ATP2B2: variants seen among roughly 807,000 people sequenced by gnomAD.
ATP2B2 encodes ATPase plasma membrane Ca2+ transporting 2.
A neutral mutation model predicts 120.0 loss-of-function variants in ATP2B2; 15 were observed. That is an observed-to-expected ratio of 0.12 (90% CI 0.08 to 0.19). The LOEUF is 0.19. Ranked by LOEUF, ATP2B2 falls within the 10% of genes least tolerant of loss-of-function variation. The pLI is 1.00. For synonymous variants in ATP2B2, 694 were observed against 700.3 expected (o/e 0.99, Z 0.14); for missense variants, 1,045 against 1,719.8 (o/e 0.61, Z 6.94).
chr3:10,501,029 C>A (rs987014817), intron 1 of ATP2B2, among the ~76,000 whole-genome samples: 1 of 152,198 alleles, frequency 6.6e-6, no homozygotes, highest in Non-Finnish European at 1.5e-5. Context: ...ATGAGCCGGC[C>A]TGGGACCCAG....
chr3:10,385,295 C>T lies in ATP2B2; in HGVS notation c.973G>A (p.Asp325Asn). 6.2e-7 allele frequency: 1 copy of T among 1,613,970 alleles called. No individual in the cohort carries two copies. The highest frequency in any genetic ancestry group is 8.5e-7 in the Non-Finnish European group (1 of 1,180,014). ...TTGACTAGGCTGGCATTCGCACTATCTGCAGCATTTGAAGCTGCCGCACCG... is the reference window on the plus strand; with the variant it reads ...TTGACTAGGCTGGCATTCGCACTATTTGCAGCATTTGAAGCTGCCGCACCG... Reference protein sequence around the residue: ...ADGAAASNAADSANASLVNGK... With the variant: ...ADGAAASNAANSANASLVNGK... Residue 325 changes from aspartate (D) to asparagine (N), a missense_variant, in exon 8 of 23, where the codon GAT (aspartate) becomes AAT (asparagine). This residue lies in a region of ATP2B2 where 145 missense variants were observed against 202.0 expected (regional missense o/e 0.72). Coordinates refer to ENST00000360273, the MANE Select transcript of ATP2B2 (RefSeq NM_001001331.4).
intron 5 of ATP2B2, among the ~76,000 whole-genome samples, chr3:10,394,298 ATTAATGCAG>A (rs1240243216): frequency 3.3e-5 from 5 of 152,066 alleles, no homozygotes; most frequent in African/African-American, 1.2e-4. Flanking sequence ...TATTATTGTT[ATTAATGCAG>A]TTAATAACAC....
chr3:10,518,313 C>T (rs965921630), intron 3 of ATP2B2, among the ~76,000 whole-genome samples: 1 of 152,202 alleles, frequency 6.6e-6, no homozygotes, highest in African/African-American at 2.4e-5. Context: ...AGGTATTAAA[C>T]TAGAGAGGAT....
chr3:10,384,259 AATGAT>A (rs2061609682), intron 8 of ATP2B2, among the ~76,000 whole-genome samples: 1 of 152,266 alleles, frequency 6.6e-6, no homozygotes, highest in Non-Finnish European at 1.5e-5. Context: ...GTGAGAAGTG[AATGAT>A]ATGATATAAT....
chr3:10,358,949 G>C, intron 13 of ATP2B2, 24 bp from the exon 14 acceptor site: 1 of 1,608,854 alleles, frequency 6.2e-7, no homozygotes, highest in Non-Finnish European at 8.5e-7. Context: ...GAAGGGAGAT[G>C]GGGAGCCCAG....
intron 2 of ATP2B2, among the ~76,000 whole-genome samples, chr3:10,552,579 C>T (rs1282012751): frequency 6.6e-6 from 1 of 152,254 alleles, no homozygotes; most frequent in Non-Finnish European, 1.5e-5. Flanking sequence ...TGGGTTGGCT[C>T]CCCTCAGCAC....
chr3:10,514,528 G>A (rs933319446), intron 3 of ATP2B2, among the ~76,000 whole-genome samples: 11 of 152,130 alleles, frequency 7.2e-5, no homozygotes, highest in Non-Finnish European at 2.9e-5. Flanking sequence ...TGGAGGTGCC[G>A]CTGCATTCCT....
intron 2 of ATP2B2, among the ~76,000 whole-genome samples, chr3:10,553,162 A>G (rs1458039519): frequency 6.6e-6 from 1 of 152,246 alleles, no homozygotes; most frequent in Non-Finnish European, 1.5e-5. Context: ...GAGTATTATT[A>G]TTTACTAAAA....
intron 2 of ATP2B2, among the ~76,000 whole-genome samples, chr3:10,603,570 T>C (rs1051642455): frequency 3.9e-5 from 6 of 152,198 alleles, no homozygotes; most frequent in Non-Finnish European, 7.4e-5. Flanking sequence ...AAGAGCCCTC[T>C]TGCAAGCGTT....
At chr3:10,530,123 T>C (rs934781830) in intron 3 of ATP2B2, among the ~76,000 whole-genome samples, 2 of 152,194 alleles carry the variant, frequency 1.3e-5, no homozygotes, top group Admixed American at 1.3e-4. Context: ...CTTTTCGCAG[T>C]GCTCAGGTGG....
intron 7 of ATP2B2, 84 bp downstream of exon 7, chr3:10,386,396 C>G: frequency 6.8e-7 from 1 of 1,475,298 alleles, no homozygotes; most frequent in Non-Finnish European, 9.5e-7. Context: ...CAGCTGTGTG[C>G]TGGTGGTCTA....
At chr3:10,581,409 A>G (rs1327775650) in intron 2 of ATP2B2, among the ~76,000 whole-genome samples, 2 of 152,196 alleles carry the variant, frequency 1.3e-5, no homozygotes, top group East Asian at 1.9e-4. Context: ...AGAGCCCACA[A>G]AGGAAATCCA....
At chr3:10,664,777 A>G (rs1219104329) in intron 1 of ATP2B2, among the ~76,000 whole-genome samples, 1 of 152,186 alleles carries the variant, frequency 6.6e-6, no homozygotes, top group African/African-American at 2.4e-5. Flanking sequence ...CAATAGAGAA[A>G]GCCACCTTTG....
chr3:10,371,778 C>T (rs564033858), intron 12 of ATP2B2, 31 bp downstream of exon 12: 1 of 1,614,014 alleles, frequency 6.2e-7, no homozygotes, highest in East Asian at 2.2e-5. Flanking sequence ...GATGTTGCTC[C>T]AGGTGGTGGA....
At chr3:10,680,749 A>T (rs561111539) in intron 1 of ATP2B2, among the ~76,000 whole-genome samples, 1 of 152,238 alleles carries the variant, frequency 6.6e-6, no homozygotes, top group East Asian at 1.9e-4. Context: ...TTCCTGGGAA[A>T]ACAGAGGCAC....
intron 22 of ATP2B2, among the ~76,000 whole-genome samples, chr3:10,333,898 G>A (rs531227023): frequency 9.2e-5 from 14 of 152,350 alleles, no homozygotes; most frequent in African/African-American, 2.9e-4. Context: ...GGGTAACCAC[G>A]GGCTACAGGG....
intron 2 of ATP2B2, among the ~76,000 whole-genome samples, chr3:10,606,858 G>A (rs1261029399): frequency 3.5e-5 from 5 of 142,482 alleles, no homozygotes; most frequent in South Asian, 2.3e-4. Flanking sequence ...CACAGTAAAC[G>A]TAAGTGTAAT....
At chr3:10,599,535 C>A (rs866509285) in intron 2 of ATP2B2, among the ~76,000 whole-genome samples, 1 of 152,118 alleles carries the variant, frequency 6.6e-6, no homozygotes, top group African/African-American at 2.4e-5. Context: ...AGCTTCATTT[C>A]TGTACCCTCA....
In ATP2B2 at chr3:10,402,335, G is replaced by A; in HGVS notation, c.411C>T (p.Ala137=). ...PGEGNEGCAT[A]QGGAEDEGEA... ...CTCCTTCATCCTCTGCCCCACCCTG[G>A]GCCGTCGCACATCCTGAAAGACCAG... Residue 137 remains alanine (A), a synonymous_variant, in exon 4 of 23, where the codon GCC becomes GCT. Transcript: ENST00000360273. This position sits in a 1 kb window ranked among gnomAD's most constrained non-coding sequence, Gnocchi z 4.9. 1 of 1,613,590 alleles carries A rather than the reference G, an allele frequency of 6.2e-7. No homozygotes were observed. The highest frequency in any genetic ancestry group is 1.1e-5 in the South Asian group (1 of 91,080).
Sources: gnomAD v4.1 joint callset for allele counts (sites outside exome capture counted in the v4.1 genomes callset) on GRCh38, gnomAD v4.1.1 for gene constraint, gnomAD v4.1.1 regional missense constraint, Gnocchi (gnomAD v3.1) non-coding constraint, MANE v1.5 for transcripts, NCBI Gene and HGNC (gene_info 2026-07-23, HGNC 2026-07-21) for gene names.